SAXO1: variants seen among roughly 807,000 people sequenced by gnomAD.
The protein encoded by SAXO1 is stabilizer of axonemal microtubules 1, also known as 4930500O09Rik.
SAXO1 carries 21 observed loss-of-function variants against 17.5 expected under a neutral mutation model. That is an observed-to-expected ratio of 1.20 (90% confidence interval 0.85 to 1.72). The LOEUF (loss-of-function observed/expected upper bound fraction) is 1.72, where lower values mean the gene tolerates loss of function less well. Ranked by LOEUF, SAXO1 falls within the 40% of genes most tolerant of loss-of-function variation. SAXO1 has a pLI of 0.00. For missense variants in SAXO1, 843 were observed against 596.0 expected, an observed-to-expected ratio of 1.41 and a Z score of -4.32; for synonymous variants, 274 against 216.5, an observed-to-expected ratio of 1.27 and a Z score of -2.33.
chr9:18,956,595 C>T (rs1396041257), intron 1 of SAXO1, among the ~76,000 whole-genome samples: 3 of 152,178 alleles, frequency 2.0e-5, no homozygotes, highest in Admixed American at 6.5e-5. Flanking sequence ...CCAATCCTAG[C>T]TCTGCCACTG....
intron 1 of SAXO1, among the ~76,000 whole-genome samples, chr9:18,996,485 T>C (rs143120734): frequency 6.6e-6 from 1 of 152,362 alleles, no homozygotes; most frequent in Non-Finnish European, 1.5e-5. Flanking sequence ...CAATTATGTA[T>C]CTAAGCATAC....
intron 1 of SAXO1, among the ~76,000 whole-genome samples, chr9:18,958,718 A>G (rs991661377): frequency 1.3e-5 from 2 of 152,018 alleles, no homozygotes; most frequent in African/African-American, 2.4e-5. Context: ...GGTGGGGTGA[A>G]TATCTGTGCA....
chr9:18,938,953 C>T (rs1215797767), intron 3 of SAXO1, among the ~76,000 whole-genome samples: 2 of 151,774 alleles, frequency 1.3e-5, no homozygotes, highest in Admixed American at 1.3e-4. Context: ...TTGCCAACCC[C>T]CAAGACAAGC....
intron 3 of SAXO1, among the ~76,000 whole-genome samples, chr9:18,940,234 T>C (rs369223812): frequency 6.6e-5 from 10 of 152,328 alleles, no homozygotes; most frequent in African/African-American, 2.4e-4. Context: ...GAGGACAGGA[T>C]GCCGATGTGC....
chr9:19,034,424 T>C (rs1835882054), upstream of SAXO1, among the ~76,000 whole-genome samples: 1 of 152,204 alleles, frequency 6.6e-6, no homozygotes, highest in Admixed American at 6.5e-5. Flanking sequence ...AATAATAATA[T>C]TACATGACAA....
Position 18,927,909 on chromosome 9 carries a change from T to C in SAXO1, c.*143A>G. On this transcript the variant is annotated 3_prime_UTR_variant, in exon 4 of 4. Transcript: ENST00000380534. The stretch of plus-strand genomic sequence containing the variant: ...TTCCCTGAGTCAAGTGATTCTCATT[T>C]TATTCAAGTGCTCTGGAAGTGGTGA... 1.2e-6 allele frequency: 1 copy of C among 862,198 alleles called. No homozygotes were observed. Among genetic ancestry groups the C allele is most frequent in the Non-Finnish European group, 1.7e-6 (1 of 580,916 alleles). The allele number at this position is 862,198 out of a possible 1,614,324, so 53.4% of individuals were successfully genotyped here.
chr9:18,951,632 C>A (rs1563939215), intron 1 of SAXO1, among the ~76,000 whole-genome samples: 1 of 152,202 alleles, frequency 6.6e-6, no homozygotes, highest in Admixed American at 6.5e-5. Context: ...CACTACTCTT[C>A]CCTGTGTGTG....
At position 18,928,223 on chromosome 9, in the gene SAXO1, G is replaced by C. The variant is rs753877555; in HGVS notation, c.1254C>G (p.Gly418=). The C allele has an allele frequency of 1.2e-6, 2 of 1,614,024 alleles. No individual in the cohort carries two copies. Among genetic ancestry groups the C allele is most frequent in the African/African-American group, 1.3e-5 (1 of 74,918 alleles). The change falls in exon 4 of 4, where the codon GGC becomes GGG. Residue 418 remains glycine, a synonymous_variant. Transcript: ENST00000380534. The stretch of plus-strand genomic sequence containing the variant: ...GCTCAGGATATGAAGCTAGGCACCT[G>C]CCCATTTCCTTGGGAGTAAAGCTGA... ...YTISFTPKEM[G]RCLASYPEPP...
Position 18,967,145 on chromosome 9 carries a change from A to T in SAXO1, c.39-16208T>A, listed in dbSNP as rs113929184. Among the ~76,000 whole-genome samples the T allele has an allele frequency of 1.5e-4, 23 of 152,282 alleles. 1 individual carries two copies. Among genetic ancestry groups the T allele is most frequent in the African/African-American group, 5.5e-4 (23 of 41,562 alleles). On this transcript the variant is annotated intron_variant, in intron 1 of 3. Transcript: ENST00000380534. ...TTCATCCCAGAGGGGCACCTGCCAG[A>T]TGCCAGCTGGAGCTCTCCTGTATGA...
chr9:18,943,431 G>A (rs1412043462), intron 2 of SAXO1, among the ~76,000 whole-genome samples: 1 of 152,196 alleles, frequency 6.6e-6, no homozygotes, highest in African/African-American at 2.4e-5. Context: ...TTCTCAGTGA[G>A]CAAGTACTAC....
intron 1 of SAXO1, among the ~76,000 whole-genome samples, chr9:18,965,833 A>G (rs1369162110): frequency 6.6e-6 from 1 of 152,140 alleles, no homozygotes; most frequent in Non-Finnish European, 1.5e-5. Context: ...CAGTTTCTTC[A>G]TAGTGTCATT....
chr9:19,015,319 CCAT>C (rs1277988669), intron 1 of SAXO1, among the ~76,000 whole-genome samples: 3 of 151,954 alleles, frequency 2.0e-5, no homozygotes, highest in Non-Finnish European at 2.9e-5. Context: ...GTGTGCACCA[CCAT>C]GTCTGGCTAA....
At chr9:18,935,056 T>C (rs1320750152) in intron 3 of SAXO1, among the ~76,000 whole-genome samples, 1 of 152,014 alleles carries the variant, frequency 6.6e-6, no homozygotes, top group Non-Finnish European at 1.5e-5. Flanking sequence ...GCCTCCTGAG[T>C]GGCTGGGATT....
intron 1 of SAXO1, among the ~76,000 whole-genome samples, chr9:19,001,013 A>G (rs761450758): frequency 6.6e-6 from 1 of 152,222 alleles, no homozygotes; most frequent in South Asian, 2.1e-4. Context: ...CCCACTGTCA[A>G]TATTAGACAG....
At chr9:19,014,249 C>A (rs1476913013) in intron 1 of SAXO1, among the ~76,000 whole-genome samples, 1 of 151,760 alleles carries the variant, frequency 6.6e-6, no homozygotes, top group East Asian at 1.9e-4. Flanking sequence ...TCACTTGAGG[C>A]CAGGAGTGCA....
chr9:19,045,477 G>C (rs1360440687), intron 1 of SAXO1, among the ~76,000 whole-genome samples: 1 of 152,066 alleles, frequency 6.6e-6, no homozygotes, highest in Non-Finnish European at 1.5e-5. Flanking sequence ...CTCTGGACTA[G>C]GGAAACACCA....
chr9:18,996,337 G>A (rs988560277), intron 1 of SAXO1, among the ~76,000 whole-genome samples: 8 of 152,256 alleles, frequency 5.3e-5, no homozygotes, highest in South Asian at 2.1e-4. Context: ...AGGCAATTTC[G>A]TCATTGTGCA....
At chr9:18,931,567 G>T (rs892239955) in intron 3 of SAXO1, among the ~76,000 whole-genome samples, 1 of 152,098 alleles carries the variant, frequency 6.6e-6, no homozygotes, top group African/African-American at 2.4e-5. Context: ...TCTATCTTTA[G>T]CTTTTTAAAA....
Position 18,928,102 on chromosome 9 carries a change from C to T in SAXO1, c.1375G>A (p.Val459Ile). 1 of 1,613,634 alleles carries T rather than the reference C, an allele frequency of 6.2e-7. No homozygotes were observed. The highest frequency in any genetic ancestry group is 8.5e-7 in the Non-Finnish European group (1 of 1,179,606). Residue 459 changes from valine (V) to isoleucine (I), a missense_variant, in exon 4 of 4, where the codon GTA becomes ATA. Coordinates refer to ENST00000380534, the MANE Select transcript of SAXO1 (RefSeq NM_153707.4). ...AGSQQSSHLSVDDSENPNQRE... is the reference protein window; with the variant it reads ...AGSQQSSHLSIDDSENPNQRE... ...TGGTTGGGGTTTTCTGAATCATCTA[C>T]AGAAAGATGGCTGCTCTGCTGAGAG... is the stretch of plus-strand genomic sequence containing the variant.
Sources: allele counts gnomAD v4.1 joint callset (sites outside exome capture counted in the v4.1 genomes callset), GRCh38; gene constraint gnomAD v4.1.1; transcripts MANE v1.5; gene names NCBI Gene and HGNC (gene_info 2026-07-23, HGNC 2026-07-21).